The following KIAA1217 variants were observed in gnomAD, a reference collection of about 807,000 sequenced individuals.
The protein encoded by KIAA1217 is sickle tail protein homolog.
In KIAA1217, 88 loss-of-function variants were observed where a neutral mutation model predicts 163.9. That is an observed-to-expected ratio of 0.54 (90% confidence interval 0.45 to 0.64). The LOEUF is 0.64. Ranked by LOEUF, KIAA1217 falls within the 30% of genes least tolerant of loss-of-function variation. KIAA1217 has a pLI of 0.00. For missense variants in KIAA1217, 2,372 were observed against 2,475.0 expected (o/e 0.96, Z 0.88); for synonymous variants, 903 against 923.1 (o/e 0.98, Z 0.39).
chr10:24,436,757 C>CAAAAAAAA (rs10560676), intron 4 of KIAA1217, among the ~76,000 whole-genome samples: 38 of 70,846 alleles, frequency 5.4e-4, no homozygotes, highest in South Asian at 8.3e-4. Flanking sequence ...GACTCCGTCT[C>CAAAAAAAA]AAAAAAAAAA....
intron 2 of KIAA1217, among the ~76,000 whole-genome samples, chr10:24,264,765 T>TTC (rs55761615): frequency 0.064 from 8,438 of 131,806 alleles, 287 homozygotes; most frequent in Middle Eastern, 0.13. Flanking sequence ...CGGTCGGTCT[T>TTC]TCTCTCTCTC....
At chr10:23,753,531 G>A (rs1164250020) in intron 1 of KIAA1217, among the ~76,000 whole-genome samples, 1 of 152,132 alleles carries the variant, frequency 6.6e-6, no homozygotes, top group Non-Finnish European at 1.5e-5. Flanking sequence ...AATTGAATTT[G>A]GAGCTCTTAC....
intron 2 of KIAA1217, among the ~76,000 whole-genome samples, chr10:24,298,668 C>G (rs1230489536): frequency 1.3e-5 from 2 of 152,040 alleles, no homozygotes; most frequent in East Asian, 3.9e-4. Flanking sequence ...CATGGTAGTA[C>G]CTGCTTATAG....
chr10:24,403,316 G>T (rs1334363364), intron 3 of KIAA1217, among the ~76,000 whole-genome samples: 1 of 152,082 alleles, frequency 6.6e-6, no homozygotes, highest in African/African-American at 2.4e-5. Flanking sequence ...TCAGCTCACT[G>T]CAACCTCTGC....
intron 1 of KIAA1217, among the ~76,000 whole-genome samples, chr10:23,925,374 T>C (rs1466409565): frequency 6.6e-6 from 1 of 152,122 alleles, no homozygotes; most frequent in Non-Finnish European, 1.5e-5. Flanking sequence ...CTCCCGGAGC[T>C]TCATTCTAGT....
chr10:24,188,654 G>A (rs1224341524), intron 2 of KIAA1217, among the ~76,000 whole-genome samples: 1 of 151,870 alleles, frequency 6.6e-6, no homozygotes, highest in African/African-American at 2.4e-5. Context: ...AAGAAAGATG[G>A]AGGTTGGGCC....
At chr10:24,118,210 G>A (rs1389961215) in intron 2 of KIAA1217, among the ~76,000 whole-genome samples, 2 of 151,504 alleles carry the variant, frequency 1.3e-5, no homozygotes, top group Non-Finnish European at 2.9e-5. Context: ...CTAGCAAAAC[G>A]TCCTTACGTG....
In KIAA1217 at chr10:24,473,702, C is replaced by G; in HGVS notation, c.1321C>G (p.Gln441Glu). The change falls in exon 6 of 21, where the codon CAA becomes GAA. Residue 441 changes from glutamine to glutamate, a missense_variant. Gln to Glu is a conservative substitution (Grantham distance 29). Around this residue, in one of 3 missense-constraint regions of KIAA1217, gnomAD observed 1,431 missense variants for 1,470.3 expected, o/e 0.97. Coordinates refer to ENST00000376454, the MANE Select transcript of KIAA1217 (RefSeq NM_019590.5). The stretch of plus-strand genomic sequence containing the variant: ...GAGTGCTTATTGTAACCCCTCAATG[C>G]AAGCGGAAATGCATATGGAACAATC... ...SASAYCNPSM[Q>E]AEMHMEQSLY... 2 of 1,614,048 alleles carry G rather than the reference C, an allele frequency of 1.2e-6. No homozygotes were observed. Among genetic ancestry groups the G allele is most frequent in the Non-Finnish European group, 1.7e-6 (2 of 1,180,016 alleles).
chr10:24,116,385 T>C (rs1228530109), intron 2 of KIAA1217, among the ~76,000 whole-genome samples: 3 of 152,094 alleles, frequency 2.0e-5, no homozygotes, highest in Non-Finnish European at 2.9e-5. Flanking sequence ...TATTTTGGGC[T>C]CTGCAGACCA....
chr10:24,076,661 C>T (rs1257827059), intron 2 of KIAA1217, among the ~76,000 whole-genome samples: 3 of 152,070 alleles, frequency 2.0e-5, no homozygotes, highest in Non-Finnish European at 4.4e-5. Context: ...AGTTGCAACC[C>T]ACAGTCAGGA....
chr10:24,473,682 CTTA>C lies in KIAA1217; in HGVS notation c.1304_1306del (p.Tyr435del), dbSNP rs765982378. Reference sequence around the variant, plus strand: ...CGCACCGCCATCCGGTCAGCGAGTGCTTATTGTAACCCCTCAATGCAAGCGGAA... The same window carrying C: ...CGCACCGCCATCCGGTCAGCGAGTGCTTGTAACCCCTCAATGCAAGCGGAA... On this transcript the variant is annotated inframe_deletion, in exon 6 of 21. Coordinates refer to ENST00000376454, the MANE Select transcript of KIAA1217 (RefSeq NM_019590.5). The C allele has an allele frequency of 1.2e-6, 2 of 1,614,126 alleles. No homozygotes were observed. Among genetic ancestry groups the C allele is most frequent in the Admixed American group, 3.3e-5 (2 of 60,012 alleles).
At chr10:24,471,758 C>T (rs904267340) in intron 5 of KIAA1217, among the ~76,000 whole-genome samples, 1 of 152,042 alleles carries the variant, frequency 6.6e-6, no homozygotes, top group Admixed American at 6.6e-5. Flanking sequence ...TGGCACATGC[C>T]TGTAATCCCA....
chr10:23,756,305 G>C (rs1270791905), intron 1 of KIAA1217, among the ~76,000 whole-genome samples: 1 of 151,718 alleles, frequency 6.6e-6, no homozygotes, highest in African/African-American at 2.4e-5. Flanking sequence ...AAAAACAAAA[G>C]GAAAACCTGT....
chr10:24,102,784 C>A (rs1185601516), intron 2 of KIAA1217, among the ~76,000 whole-genome samples: 1 of 152,140 alleles, frequency 6.6e-6, no homozygotes, highest in Non-Finnish European at 1.5e-5. Flanking sequence ...GGAGCAAAAG[C>A]AATACAATGG....
intron 2 of KIAA1217, among the ~76,000 whole-genome samples, chr10:24,186,270 T>C (rs911956675): frequency 3.3e-5 from 5 of 152,224 alleles, no homozygotes; most frequent in Non-Finnish European, 5.9e-5. Context: ...ACTATTTTCC[T>C]GAGCATTTAA....
intron 1 of KIAA1217, among the ~76,000 whole-genome samples, chr10:23,725,769 T>TA (rs1041823359): frequency 6.6e-6 from 1 of 152,246 alleles, no homozygotes; most frequent in Non-Finnish European, 1.5e-5. Flanking sequence ...AGCATTTTAC[T>TA]GTAATAAACA....
chr10:24,015,988 C>G (rs546921272), intron 2 of KIAA1217, among the ~76,000 whole-genome samples: 1 of 151,874 alleles, frequency 6.6e-6, no homozygotes, highest in Non-Finnish European at 1.5e-5. Flanking sequence ...CAGTTTATTT[C>G]TTAACATGCC....
At chr10:24,449,386 A>G in intron 5 of KIAA1217, 1 of 813,826 alleles carries the variant, frequency 1.2e-6, no homozygotes, top group Non-Finnish European at 1.5e-6. Flanking sequence ...TGTATTTATA[A>G]ACATCACGTG....
In KIAA1217 at chr10:24,524,623, C is replaced by T. The variant is rs2071807064; in HGVS notation, c.2757C>T (p.Val919=). The T allele has an allele frequency of 6.2e-7, 1 of 1,613,958 alleles. No homozygotes were observed. The highest frequency in any genetic ancestry group is 2.2e-5 in the East Asian group (1 of 44,898). ...NLPHVASSPA[V]PQEATSTLQM... ...CTCACGTGGCCAGCTCCCCAGCCGTCCCCCAGGAAGCAACCTCCACTCTGC... is the reference window on the plus strand; with the variant it reads ...CTCACGTGGCCAGCTCCCCAGCCGTTCCCCAGGAAGCAACCTCCACTCTGC... The change falls in exon 13 of 21, where the codon GTC becomes GTT. Residue 919 remains valine (V), a synonymous_variant. Coordinates refer to ENST00000376454, the MANE Select transcript of KIAA1217 (RefSeq NM_019590.5).
Sources: allele counts gnomAD v4.1 joint callset (sites outside exome capture counted in the v4.1 genomes callset), GRCh38; gene constraint gnomAD v4.1.1; regional missense constraint gnomAD v4.1.1; transcripts MANE v1.5; gene names NCBI Gene and HGNC (gene_info 2026-07-23, HGNC 2026-07-21).